Variants in NOL3 observed in about 807,000 individuals in gnomAD.
NOL3 encodes nucleolar protein 3.
NOL3 carries 18 observed loss-of-function variants against 19.2 expected under a neutral mutation model. That is an observed-to-expected ratio of 0.94 (90% confidence interval 0.65 to 1.39). The LOEUF (loss-of-function observed/expected upper bound fraction) is 1.39, where lower values mean the gene tolerates loss of function less well. Among genes scored for constraint, NOL3 ranks in the 40% most tolerant of loss-of-function variants. The pLI is 0.00. For missense variants in NOL3, 290 were observed against 289.5 expected, an observed-to-expected ratio of 1.00 and a Z score of -0.01; for synonymous variants, 127 against 137.3, an observed-to-expected ratio of 0.93 and a Z score of 0.52.
At chr16:67,172,519 A>G (rs2031826229) in intron 1 of NOL3, among the ~76,000 whole-genome samples, 2 of 151,636 alleles carry the variant, frequency 1.3e-5, no homozygotes, top group Non-Finnish European at 2.9e-5. Context: ...GCTGAGGCAG[A>G]AGAATCGCTT....
rs576743079 is a variant in NOL3 at position 67,174,180 on chromosome 16, C to A, written c.11C>A (p.Ala4Glu). ...CATGCAGCCCCGACAATGGGCAACG[C>A]GCAGGAGCGGCCGTCAGAGACTATC... The change falls in exon 2 of 4, where the codon GCG (alanine) becomes GAG (glutamate). Residue 4 changes from alanine to glutamate, a missense_variant. Physicochemically the swap from Ala to Glu is moderately radical, Grantham distance 107. This residue lies in a region of NOL3 where 153 missense variants were observed against 149.4 expected (regional missense o/e 1.02). Transcript: ENST00000268605. The A allele has an allele frequency of 2.5e-6, 4 of 1,610,128 alleles. No homozygotes were observed. The African/African-American group carries it at 5.3e-5, about 21-fold the overall frequency.
exon 2 of NOL3, chr16:67,174,397 G>A: frequency 6.4e-7 from 1 of 1,552,784 alleles, no homozygotes; most frequent in Non-Finnish European, 8.7e-7. Flanking sequence ...GCCAGGAGCT[G>A]CTACGCTGTG....
At chr16:67,173,107 A>AG (rs1265192201) in intron 1 of NOL3, 1 of 151,978 alleles carries the variant, frequency 6.6e-6, no homozygotes, top group African/African-American at 2.4e-5. Flanking sequence ...AAAAAAAAAA[A>AG]AAAAAAGTCT....
chr16:67,174,210 G>T (rs2031965271), exon 2 of NOL3: 2 of 1,612,726 alleles, frequency 1.2e-6, no homozygotes, highest in Non-Finnish European at 1.7e-6. Flanking sequence ...ACTATCGACC[G>T]CGAGCGGAAA....
At chr16:67,172,601 ACT>A (rs1447081598) in intron 1 of NOL3, among the ~76,000 whole-genome samples, 3 of 116,422 alleles carry the variant, frequency 2.6e-5, no homozygotes, top group African/African-American at 7.6e-5. Flanking sequence ...ACAGAGTGAG[ACT>A]CTGTCAAAAA....
chr16:67,173,916 C>T lies in NOL3; in HGVS notation c.-8-246C>T, dbSNP rs545884034. On this transcript the variant is annotated intron_variant, in intron 1 of 3. Transcript: ENST00000268605. ...GGGAGGAGAGGAGAGCCACGGCTGA[C>T]GCTTGGGGACAGAAGGAGGAGCCTG... The T allele has an allele frequency of 3.9e-6, 6 of 1,536,080 alleles. No individual in the cohort carries two copies. The East Asian group carries it at 9.8e-5, about 25-fold the overall frequency.
At chr16:67,173,905 G>T in intron 1 of NOL3, 1 of 1,536,000 alleles carries the variant, frequency 6.5e-7, no homozygotes, top group Non-Finnish European at 8.7e-7. Flanking sequence ...GGAGAGGAGA[G>T]CCACGGCTGA....
At chr16:67,172,942 T>C (rs1477851319) in intron 1 of NOL3, 1 of 58,262 alleles carries the variant, frequency 1.7e-5, no homozygotes, top group East Asian at 4.5e-4. Context: ...AATAAATAAA[T>C]ACAAAAAATA....
At chr16:67,175,315 T>C in exon 4 of NOL3, 1 of 1,382,902 alleles carries the variant, frequency 7.2e-7, no homozygotes, top group Non-Finnish European at 9.3e-7. Flanking sequence ...AGCCCTAATC[T>C]GCCCTTAGGA....
At position 67,170,541 on chromosome 16, in the gene NOL3, C is replaced by T. The variant is rs1184616171; in HGVS notation, c.-42C>T. 4.8e-5 allele frequency: 7 copies of T among 145,188 alleles called. No homozygotes were observed. The East Asian group carries it at 1.6e-3, about 33-fold the overall frequency. The allele number at this position is 145,188 out of a possible 1,614,324, so 9.0% of individuals were successfully genotyped here. On this transcript the variant is annotated 5_prime_UTR_variant, in exon 1 of 4. Coordinates refer to ENST00000268605, the Ensembl canonical transcript of NOL3. This position sits in a 1 kb window ranked among gnomAD's most constrained non-coding sequence, Gnocchi z 5.7. The stretch of plus-strand genomic sequence containing the variant: ...CCCCCACCCTGCCCGGCCCTTTCTG[C>T]ACCGTCATCTCCTGCCCCGCCGAGG...
At chr16:67,173,665 TATTC>T in intron 1 of NOL3, 2 of 587,706 alleles carry the variant, frequency 3.4e-6, no homozygotes, top group Non-Finnish European at 6.0e-6. Flanking sequence ...GTGAGAGAAA[TATTC>T]AGCAGTCAGA....
intron 1 of NOL3, among the ~76,000 whole-genome samples, chr16:67,173,399 A>G (rs2031887707): frequency 6.6e-6 from 1 of 152,212 alleles, no homozygotes; most frequent in African/African-American, 2.4e-5. Flanking sequence ...TCAGGGGACC[A>G]GGAAGGGCCA....
At chr16:67,173,749 G>T in intron 1 of NOL3, 2 of 911,386 alleles carry the variant, frequency 2.2e-6, no homozygotes, top group Non-Finnish European at 3.2e-6. Context: ...TGCCTGGTTA[G>T]GTGGGGAAGC....
intron 2 of NOL3, 22 bp from the exon 3 acceptor site, chr16:67,174,599 G>A: frequency 6.6e-7 from 1 of 1,520,800 alleles, no homozygotes; most frequent in South Asian, 1.3e-5. Flanking sequence ...TTGAGCCTCA[G>A]TCACTCCCAC....
intron 2 of NOL3, 69 bp from the exon 3 acceptor site, chr16:67,174,552 C>A: frequency 6.7e-7 from 1 of 1,493,418 alleles, no homozygotes. Flanking sequence ...GTCGTCTCCG[C>A]TAGAAGTAGG....
At chr16:67,172,475 G>A (rs1156604575) in intron 1 of NOL3, among the ~76,000 whole-genome samples, 1 of 151,530 alleles carries the variant, frequency 6.6e-6, no homozygotes, top group Non-Finnish European at 1.5e-5. Context: ...AGCTGAGCGT[G>A]GTGCGGGCAC....
At position 67,174,475 on chromosome 16, in the gene NOL3, G is replaced by T; in HGVS notation, c.295+11G>T. 1 of 1,480,968 alleles carries T rather than the reference G, an allele frequency of 6.8e-7. No homozygotes were observed. Among genetic ancestry groups the T allele is most frequent in the Non-Finnish European group, 8.9e-7 (1 of 1,122,668 alleles). The allele number at this position is 1,480,968 out of a possible 1,614,324, so 91.7% of individuals were successfully genotyped here. ...AGCACGTGGGTCCGGGTGAGCGCGC[G>T]GGGCGGGGCCTAGGGCAGAGCAGGG... On this transcript the variant is annotated intron_variant, in intron 2 of 3. Transcript: ENST00000268605.
At chr16:67,174,992 C>A in intron 3 of NOL3, 48 bp downstream of exon 3, 1 of 1,610,632 alleles carries the variant, frequency 6.2e-7, no homozygotes, top group African/African-American at 1.3e-5. Context: ...AGGGCATGGC[C>A]TGGGAAGCGG....
exon 4 of NOL3, chr16:67,175,401 C>A: frequency 8.7e-7 from 1 of 1,153,714 alleles, no homozygotes; most frequent in Non-Finnish European, 1.1e-6. Context: ...CCCGCATACA[C>A]AACCCATTTC....
Sources: gnomAD v4.1 joint callset for allele counts (sites outside exome capture counted in the v4.1 genomes callset) on GRCh38, gnomAD v4.1.1 for gene constraint, gnomAD v4.1.1 regional missense constraint, Gnocchi (gnomAD v3.1) non-coding constraint, MANE v1.5 for transcripts, NCBI Gene and HGNC (gene_info 2026-07-23, HGNC 2026-07-21) for gene names.